MEGF11: variants seen among roughly 807,000 people sequenced by gnomAD.
MEGF11 encodes the protein multiple EGF like domains 11, also known as multiple epidermal growth factor-like domains protein 11.
In MEGF11, 126 loss-of-function variants were observed where a neutral mutation model predicts 146.6. The ratio of observed to expected loss-of-function variants is 0.86; its 90% CI spans 0.74 to 1.00. The LOEUF (loss-of-function observed/expected upper bound fraction) is 1.00, where lower values mean the gene tolerates loss of function less well. Among genes scored for constraint, MEGF11 ranks in the 50% least tolerant of loss-of-function variants. MEGF11 has a pLI of 0.00. For missense variants in MEGF11, 1,509 were observed against 1,521.2 expected (o/e 0.99, Z 0.13); for synonymous variants, 532 against 583.4 (o/e 0.91, Z 1.27).
intron 8 of MEGF11, among the ~76,000 whole-genome samples, chr15:65,965,594 TTCTTTCTTTTTTTTTTTTC>T (rs2081048058): frequency 6.5e-5 from 2 of 30,696 alleles, no homozygotes; most frequent in African/African-American, 1.4e-4. Flanking sequence ...CTTTCTTTCT[TTCTTTCTTTTTTTTTTTTC>T]TTTTTTTTTT....
chr15:65,929,442 G>A (rs1378726032), intron 12 of MEGF11, among the ~76,000 whole-genome samples: 1 of 152,200 alleles, frequency 6.6e-6, no homozygotes, highest in East Asian at 1.9e-4. Context: ...TTGAGCTCAA[G>A]TGCCAGAGTC....
intron 5 of MEGF11, among the ~76,000 whole-genome samples, chr15:66,020,926 A>T (rs2083091419): frequency 7.3e-6 from 1 of 137,600 alleles, no homozygotes; most frequent in Admixed American, 8.0e-5. Flanking sequence ...CAGGAGGCGG[A>T]GCTTGCAGTG....
At chr15:66,179,485 G>A (rs1197881148) in intron 1 of MEGF11, among the ~76,000 whole-genome samples, 2 of 152,178 alleles carry the variant, frequency 1.3e-5, no homozygotes, top group Non-Finnish European at 2.9e-5. Context: ...GGGAGCAGAA[G>A]AGCCCAAAGC....
At chr15:66,023,030 GT>G (rs2083208124) in intron 5 of MEGF11, among the ~76,000 whole-genome samples, 1 of 150,184 alleles carries the variant, frequency 6.7e-6, no homozygotes, top group Non-Finnish European at 1.5e-5. Flanking sequence ...GTGGATACCT[GT>G]AATCCCACAG....
chr15:66,073,094 G>A (rs999550950), intron 5 of MEGF11, among the ~76,000 whole-genome samples: 9 of 152,340 alleles, frequency 5.9e-5, no homozygotes, highest in Non-Finnish European at 1.2e-4. Context: ...AGCAAGACAT[G>A]TGGCCATGTC....
intron 5 of MEGF11, among the ~76,000 whole-genome samples, chr15:66,011,644 G>C (rs1314427977): frequency 3.3e-5 from 5 of 152,000 alleles, no homozygotes; most frequent in Admixed American, 6.6e-5. Context: ...TCGGAGGGTT[G>C]TCATGAGGAT....
intron 5 of MEGF11, among the ~76,000 whole-genome samples, chr15:66,048,403 A>G (rs2140334028): frequency 6.6e-6 from 1 of 152,348 alleles, no homozygotes; most frequent in East Asian, 1.9e-4. Context: ...GGGAGGTTCA[A>G]AGGAAAGCAG....
chr15:66,017,425 G>C (rs992668010), intron 5 of MEGF11, among the ~76,000 whole-genome samples: 1 of 152,206 alleles, frequency 6.6e-6, no homozygotes. Flanking sequence ...CTGACTGAGC[G>C]CCAGATGACT....
intron 5 of MEGF11, among the ~76,000 whole-genome samples, chr15:66,006,750 G>A (rs1002238454): frequency 6.6e-6 from 1 of 152,258 alleles, no homozygotes; most frequent in Non-Finnish European, 1.5e-5. Context: ...TTTCTAAAGA[G>A]CAGAGCAGTG....
intron 5 of MEGF11, among the ~76,000 whole-genome samples, chr15:66,048,225 C>T (rs946507235): frequency 2.0e-5 from 3 of 152,330 alleles, no homozygotes; most frequent in Admixed American, 1.3e-4. Flanking sequence ...GGATTACAGG[C>T]ATGAGGCACC....
At chr15:66,034,872 C>T (rs2083668668) in intron 5 of MEGF11, among the ~76,000 whole-genome samples, 1 of 152,174 alleles carries the variant, frequency 6.6e-6, no homozygotes, top group Non-Finnish European at 1.5e-5. Context: ...GTCACTGTTA[C>T]AGGAGTGGGT....
chr15:66,228,213 T>C (rs1313360926), intron 1 of MEGF11, among the ~76,000 whole-genome samples: 1 of 152,026 alleles, frequency 6.6e-6, no homozygotes, highest in Non-Finnish European at 1.5e-5. Context: ...TAGCAAATCA[T>C]ATCACAGCAG....
chr15:66,184,424 C>G (rs1478916679), intron 1 of MEGF11, among the ~76,000 whole-genome samples: 2 of 151,980 alleles, frequency 1.3e-5, no homozygotes, highest in Non-Finnish European at 2.9e-5. Flanking sequence ...CCCTAAGAAT[C>G]CGTGCCCCGA....
At chr15:66,152,052 G>A (rs371775104) in intron 1 of MEGF11, among the ~76,000 whole-genome samples, 28 of 152,214 alleles carry the variant, frequency 1.8e-4, no homozygotes, top group African/African-American at 5.8e-4. Flanking sequence ...CAGCCTCGGC[G>A]CCTCTCCTCC....
intron 5 of MEGF11, among the ~76,000 whole-genome samples, chr15:66,008,044 T>G (rs930477179): frequency 2.0e-5 from 3 of 152,162 alleles, no homozygotes; most frequent in Non-Finnish European, 4.4e-5. Flanking sequence ...GACAGTGAAG[T>G]GTCCACTATG....
chr15:65,906,760 T>TA (rs1355510838), intron 23 of MEGF11: 5 of 152,264 alleles, frequency 3.3e-5, no homozygotes, highest in African/African-American at 1.2e-4. Context: ...TTCCCTCCCA[T>TA]AGCCAGTTCT....
At chr15:66,227,030 G>C (rs529073630) in intron 1 of MEGF11, among the ~76,000 whole-genome samples, 2 of 152,302 alleles carry the variant, frequency 1.3e-5, no homozygotes, top group East Asian at 3.9e-4. Flanking sequence ...GGTGGTGTGA[G>C]GCGTGGAAAC....
rs561431780 is a variant in MEGF11 at position 66,040,926 on chromosome 15, T to C, written c.394+53476A>G. ...CAGAGGAAGGGACTTTTTTTTTTTTTCCCCCCCGGTTTTCACAAAGAGGCC... is the reference window on the plus strand; with the variant it reads ...CAGAGGAAGGGACTTTTTTTTTTTTCCCCCCCCGGTTTTCACAAAGAGGCC... On this transcript the variant is annotated intron_variant, in intron 5 of 25. Coordinates refer to ENST00000395614, the MANE Select transcript of MEGF11 (RefSeq NM_001385028.1). Among the ~76,000 whole-genome samples, 783 of 145,182 alleles carry C rather than the reference T, an allele frequency of 5.4e-3. 7 individuals carry two copies. The highest frequency in any genetic ancestry group is 0.019 in the African/African-American group (731 of 39,288).
At chr15:66,039,378 C>T (rs1461116303) in intron 5 of MEGF11, among the ~76,000 whole-genome samples, 2 of 152,194 alleles carry the variant, frequency 1.3e-5, no homozygotes, top group African/African-American at 4.8e-5. Flanking sequence ...TGATCTCAGC[C>T]TAACTTCAGC....
Sources: gnomAD v4.1 joint callset for allele counts (sites outside exome capture counted in the v4.1 genomes callset) on GRCh38, gnomAD v4.1.1 for gene constraint, MANE v1.5 for transcripts, NCBI Gene and HGNC (gene_info 2026-07-23, HGNC 2026-07-21) for gene names.